The following VAV2 variants were observed in gnomAD, a reference collection of about 807,000 sequenced individuals.
The protein encoded by VAV2 is vav guanine nucleotide exchange factor 2.
In VAV2, 67 loss-of-function variants were observed where a neutral mutation model predicts 132.5. That is an observed-to-expected ratio of 0.51 (90% CI 0.42 to 0.62). The LOEUF is 0.62. Ranked by LOEUF, VAV2 falls within the 20% of genes least tolerant of loss-of-function variation. The pLI, the probability that VAV2 is intolerant of heterozygous loss-of-function variation, is 0.00. For missense variants in VAV2, 938 were observed against 1,153.6 expected, an observed-to-expected ratio of 0.81 and a Z score of 2.71; for synonymous variants, 492 against 443.5, an observed-to-expected ratio of 1.11 and a Z score of -1.37.
intron 1 of VAV2, among the ~76,000 whole-genome samples, chr9:133,968,373 T>C (rs947669187): frequency 2.0e-5 from 3 of 152,180 alleles, no homozygotes; most frequent in African/African-American, 7.2e-5. Flanking sequence ...CGTACAATTA[T>C]TATGTACCAA....
intron 4 of VAV2, among the ~76,000 whole-genome samples, chr9:133,814,056 G>A (rs752719279): frequency 7.2e-5 from 11 of 152,116 alleles, no homozygotes; most frequent in East Asian, 3.9e-4. Context: ...TCGCTCAGCC[G>A]TGCGGGAGAA....
At chr9:133,948,003 C>G (rs1307044823) in intron 1 of VAV2, among the ~76,000 whole-genome samples, 1 of 152,104 alleles carries the variant, frequency 6.6e-6, no homozygotes, top group African/African-American at 2.4e-5. Context: ...GTTGGCCAGG[C>G]TCGTCTCAAA....
chr9:133,795,520 C>T (rs969913116), intron 12 of VAV2, 148 bp downstream of exon 12: 5 of 938,650 alleles, frequency 5.3e-6, no homozygotes, highest in Middle Eastern at 2.2e-4. Context: ...GTCTCACCCA[C>T]TGCCCTGCCC....
rs984515693 is a variant in VAV2 at position 133,823,219 on chromosome 9, G to A, written c.450-11003C>T. Among the ~76,000 whole-genome samples the A allele has an allele frequency of 1.1e-4, 16 of 152,192 alleles. No homozygotes were observed. Among genetic ancestry groups the A allele is most frequent in the African/African-American group, 3.6e-4 (15 of 41,422 alleles). On this transcript the variant is annotated intron_variant, in intron 4 of 29. Coordinates refer to ENST00000371850, the MANE Select transcript of VAV2 (RefSeq NM_001134398.2). This position sits in a 1 kb window ranked among gnomAD's most constrained non-coding sequence, Gnocchi z 5.5. The stretch of plus-strand genomic sequence containing the variant: ...CTGCTCCTTTATGAATGACCCTTAT[G>A]GAGCGTTTATCTCAGCAGTGAGAAA...
intron 2 of VAV2, among the ~76,000 whole-genome samples, chr9:133,887,431 TC>T (rs1470403399): frequency 1.3e-5 from 2 of 152,096 alleles, no homozygotes; most frequent in Non-Finnish European, 2.9e-5. Context: ...GGGCCTAAGA[TC>T]CTGCCCTAAC....
intron 1 of VAV2, among the ~76,000 whole-genome samples, chr9:133,966,489 T>C (rs1375293183): frequency 6.6e-6 from 1 of 152,210 alleles, no homozygotes; most frequent in Admixed American, 6.5e-5. Flanking sequence ...GAAGATGGCT[T>C]GAGGCCAGGA....
chr9:133,874,572 A>ACC, intron 2 of VAV2, among the ~76,000 whole-genome samples: 1 of 152,026 alleles, frequency 6.6e-6, no homozygotes, highest in Admixed American at 6.5e-5. Context: ...AGCTCAAGGT[A>ACC]CCCGCCCAGA....
intron 2 of VAV2, among the ~76,000 whole-genome samples, chr9:133,938,191 G>T (rs946986134): frequency 2.0e-5 from 3 of 152,194 alleles, no homozygotes; most frequent in African/African-American, 4.8e-5. Flanking sequence ...CTTCCCATCA[G>T]CAGGTGGAAA....
intron 1 of VAV2, among the ~76,000 whole-genome samples, chr9:133,972,292 A>C (rs898896474): frequency 6.6e-6 from 1 of 152,268 alleles, no homozygotes; most frequent in South Asian, 2.1e-4. Context: ...CCCGCTAACT[A>C]AACAGTCAGG....
chr9:133,917,029 G>A (rs553897478), intron 2 of VAV2, among the ~76,000 whole-genome samples: 4 of 152,238 alleles, frequency 2.6e-5, no homozygotes, highest in South Asian at 2.1e-4. Context: ...CCACTCTCAC[G>A]GGGTCCTGTC....
chr9:133,830,768 T>C (rs944570275), intron 4 of VAV2, among the ~76,000 whole-genome samples: 1 of 152,196 alleles, frequency 6.6e-6, no homozygotes. Flanking sequence ...GCTTGTGTCT[T>C]GTAAATTGCC....
At chr9:133,938,251 C>T (rs1840997190) in intron 2 of VAV2, among the ~76,000 whole-genome samples, 1 of 152,260 alleles carries the variant, frequency 6.6e-6, no homozygotes, top group African/African-American at 2.4e-5. Context: ...GGCAGCCCAA[C>T]AGCAGGCGGG....
At chr9:133,958,374 C>T (rs1055202190) in intron 1 of VAV2, among the ~76,000 whole-genome samples, 1 of 149,452 alleles carries the variant, frequency 6.7e-6, no homozygotes, top group Non-Finnish European at 1.5e-5. Context: ...GTGGGACCTG[C>T]GGGCAGCAAT....
At chr9:133,871,440 TGATGGATGGATGGATGGATGGAGAAGCG>T (rs1433548034) in intron 2 of VAV2, among the ~76,000 whole-genome samples, 24 of 138,386 alleles carry the variant, frequency 1.7e-4, no homozygotes, top group African/African-American at 5.2e-4. Flanking sequence ...ATGGATTGAT[TGATGGATGGATGGATGGATGGAGAAGCG>T]GATGGATGGA....
chr9:133,904,807 G>C (rs577722708), intron 2 of VAV2, among the ~76,000 whole-genome samples: 92 of 152,252 alleles, frequency 6.0e-4, no homozygotes, highest in Non-Finnish European at 1.2e-3. Context: ...CCAGAGTACC[G>C]GGGTGTGAAC....
chr9:133,821,892 C>A (rs1588223789), intron 4 of VAV2, among the ~76,000 whole-genome samples: 1 of 152,370 alleles, frequency 6.6e-6, no homozygotes, highest in East Asian at 1.9e-4. Context: ...TCCTTCCTGC[C>A]CCGTCTCATC....
intron 4 of VAV2, among the ~76,000 whole-genome samples, chr9:133,828,323 ACCG>A (rs1433460235): frequency 0.033 from 952 of 28,878 alleles, 99 homozygotes; most frequent in Non-Finnish European, 0.045. Flanking sequence ...ATCACCACCT[ACCG>A]CTGCGCCCAC....
intron 2 of VAV2, among the ~76,000 whole-genome samples, chr9:133,925,303 G>A (rs1034122499): frequency 2.6e-5 from 4 of 152,124 alleles, no homozygotes; most frequent in Non-Finnish European, 5.9e-5. Flanking sequence ...TGCAACCTCC[G>A]CCTCCCGGGC....
intron 2 of VAV2, among the ~76,000 whole-genome samples, chr9:133,905,247 G>A (rs954744676): frequency 1.1e-4 from 16 of 146,600 alleles, no homozygotes; most frequent in Middle Eastern, 3.4e-3. Flanking sequence ...TGGCCAACAC[G>A]GTGAAACCCC....
Sources: allele counts gnomAD v4.1 joint callset (sites outside exome capture counted in the v4.1 genomes callset), GRCh38; gene constraint gnomAD v4.1.1; non-coding constraint Gnocchi (gnomAD v3.1); transcripts MANE v1.5; gene names NCBI Gene and HGNC (gene_info 2026-07-23, HGNC 2026-07-21).